Variants in RNF20 observed in about 807,000 individuals in gnomAD.
RNF20 encodes ring finger protein 20, also known as E3 ubiquitin-protein ligase BRE1A.
RNF20 carries 84 observed loss-of-function variants against 126.2 expected under a neutral mutation model. The observed-to-expected ratio is 0.67, with a 90% CI of 0.56 to 0.80. RNF20 has a LOEUF of 0.80. Among genes scored for constraint, RNF20 ranks in the 30% least tolerant of loss-of-function variants. RNF20 has a pLI of 0.00. For synonymous variants in RNF20, 400 were observed against 414.3 expected, an observed-to-expected ratio of 0.97 and a Z score of 0.42; for missense variants, 869 against 1,188.2, an observed-to-expected ratio of 0.73 and a Z score of 3.95.
chr9:101,547,264 G>T, intron 8 of RNF20, 50 bp downstream of exon 8: 1 of 1,604,254 alleles, frequency 6.2e-7, no homozygotes, highest in Non-Finnish European at 8.5e-7. Flanking sequence ...CAGCTTTCAT[G>T]CTTAGGTACT....
chr9:101,562,505 T>G lies in RNF20; in HGVS notation c.*83T>G, dbSNP rs1045552615. ...AACCTCTACCTCTTCTCTCCTTGAC[T>G]GTCACCTGTAGGACAGTTTATCAGT... On this transcript the variant is annotated 3_prime_UTR_variant, in exon 20 of 20. Coordinates refer to ENST00000389120, the MANE Select transcript of RNF20 (RefSeq NM_019592.7). The G allele has an allele frequency of 5.9e-6, 8 of 1,346,052 alleles. No homozygotes were observed. The Admixed American group carries it at 1.7e-4, about 29-fold the overall frequency. The allele number at this position is 1,346,052 out of a possible 1,614,324, so 83.4% of individuals were successfully genotyped here.
At chr9:101,554,588 A>G in intron 14 of RNF20, 106 bp from the exon 15 acceptor site, 1 of 889,458 alleles carries the variant, frequency 1.1e-6, no homozygotes, top group Non-Finnish European at 1.7e-6. Context: ...ATAATTCTGT[A>G]AAGACTCTTT....
At chr9:101,538,735 TTTTAA>T (rs1193266836) in intron 2 of RNF20, among the ~76,000 whole-genome samples, 1 of 152,182 alleles carries the variant, frequency 6.6e-6, no homozygotes, top group African/African-American at 2.4e-5. Flanking sequence ...ATTAGGAATG[TTTTAA>T]TTAAAGTGGA....
chr9:101,553,845 G>C (rs1349808821), intron 13 of RNF20, 143 bp from the exon 14 acceptor site: 2 of 503,036 alleles, frequency 4.0e-6, no homozygotes, highest in South Asian at 6.2e-5. Context: ...TTGATAGTCT[G>C]TGCAAAATTT....
chr9:101,555,051 C>T (rs1356206077), intron 15 of RNF20, among the ~76,000 whole-genome samples: 2 of 151,900 alleles, frequency 1.3e-5, no homozygotes, highest in Non-Finnish European at 2.9e-5. Context: ...AAGAAATTTA[C>T]TTTTATTTAA....
At chr9:101,540,729 A>C (rs1320241448) in intron 4 of RNF20, 64 bp from the exon 5 acceptor site, 1 of 1,589,674 alleles carries the variant, frequency 6.3e-7, no homozygotes, top group East Asian at 2.2e-5. Flanking sequence ...GGGAAAAAAA[A>C]TGGATTTTGT....
chr9:101,554,380 T>A (rs1334899759), intron 14 of RNF20, among the ~76,000 whole-genome samples: 1 of 152,150 alleles, frequency 6.6e-6, no homozygotes, highest in Non-Finnish European at 1.5e-5. Context: ...GGATAATCTT[T>A]TTCATTACTT....
chr9:101,561,944 C>A lies in RNF20; in HGVS notation c.2684C>A (p.Thr895Asn), dbSNP rs1480844846. Residue 895 changes from threonine (T) to asparagine (N), a missense_variant, in exon 19 of 20, where the codon ACC (threonine) becomes AAC (asparagine). Thr to Asn is a moderately conservative substitution (Grantham distance 65, BLOSUM62 0). Coordinates refer to ENST00000389120, the MANE Select transcript of RNF20 (RefSeq NM_019592.7). Reference sequence around the variant, plus strand: ...TCTAGACTTCGCAGGAAGCTGGAGACCACAAAGAAACCAGACAATGTACCC... The same window carrying A: ...TCTAGACTTCGCAGGAAGCTGGAGAACACAAAGAAACCAGACAATGTACCC... ...DISRLRRKLE[T>N]TKKPDNVPKC... 1 of 1,613,626 alleles carries A rather than the reference C, an allele frequency of 6.2e-7. No individual in the cohort carries two copies. The highest frequency in any genetic ancestry group is 1.7e-5 in the Admixed American group (1 of 60,006).
chr9:101,561,730 C>G (rs1353007825), intron 18 of RNF20, among the ~76,000 whole-genome samples, 180 bp from the exon 19 acceptor site: 1 of 152,118 alleles, frequency 6.6e-6, no homozygotes, highest in Non-Finnish European at 1.5e-5. Context: ...TTATGGTTGC[C>G]TCTTCTGAAA....
At chr9:101,539,499 A>T (rs1827228186) in intron 2 of RNF20, among the ~76,000 whole-genome samples, 1 of 152,224 alleles carries the variant, frequency 6.6e-6, no homozygotes, top group Non-Finnish European at 1.5e-5. Context: ...GGAGACCGAA[A>T]AGGAGAAAGA....
chr9:101,546,560 T>C (rs754538219), intron 6 of RNF20, among the ~76,000 whole-genome samples: 26 of 152,176 alleles, frequency 1.7e-4, no homozygotes, highest in Non-Finnish European at 2.8e-4. Flanking sequence ...TTTTCAGAGG[T>C]AGAAAAATTG....
At chr9:101,551,865 C>T in intron 11 of RNF20, 46 bp downstream of exon 11, 1 of 1,557,800 alleles carries the variant, frequency 6.4e-7, no homozygotes, top group Non-Finnish European at 8.7e-7. Flanking sequence ...TTAATACCTT[C>T]CTTGAAAGAT....
At chr9:101,539,161 G>A (rs1188796885) in intron 2 of RNF20, among the ~76,000 whole-genome samples, 2 of 152,214 alleles carry the variant, frequency 1.3e-5, no homozygotes, top group Non-Finnish European at 2.9e-5. Flanking sequence ...GCAGGGTTTG[G>A]TAGAGGTTGA....
chr9:101,562,086 C>T, intron 19 of RNF20, 75 bp downstream of exon 19: 1 of 1,314,542 alleles, frequency 7.6e-7, no homozygotes, highest in South Asian at 1.3e-5. Context: ...GAATAATTTG[C>T]ATGATAGTAA....
chr9:101,557,629 T>C lies in RNF20; in HGVS notation c.2382+33T>C, dbSNP rs559418282. 6.2e-5 allele frequency: 90 copies of C among 1,460,952 alleles called. 3 individuals are homozygous for C. In the South Asian group the frequency reaches 1.0e-3, roughly 16 times the overall value. The allele number at this position is 1,460,952 out of a possible 1,614,324, so 90.5% of individuals were successfully genotyped here. A position where few individuals can be genotyped will look rare whatever the true frequency, so the allele number is the denominator to read the frequency against. Reference sequence around the variant, plus strand: ...GGATGAGTAGAGCTTTCTATTCTGTTGAAATAGGGTGCTTTCTACATGATG... The same window carrying C: ...GGATGAGTAGAGCTTTCTATTCTGTCGAAATAGGGTGCTTTCTACATGATG... On this transcript the variant is annotated intron_variant, in intron 16 of 19. Coordinates refer to ENST00000389120, the MANE Select transcript of RNF20 (RefSeq NM_019592.7).
Position 101,547,417 on chromosome 9 carries a change from G to A in RNF20, c.991G>A (p.Glu331Lys), listed in dbSNP as rs1827368892. ...TCTGCAGTTTGAGGAAATGAATGCAGAGCTTGAGGAGAACAAAGAGTTGGC... is the reference window on the plus strand; with the variant it reads ...TCTGCAGTTTGAGGAAATGAATGCAAAGCTTGAGGAGAACAAAGAGTTGGC... Reference protein sequence around the residue: ...NARKFEEMNAELEENKELAQN... With the variant: ...NARKFEEMNAKLEENKELAQN... Residue 331 changes from glutamate to lysine, a missense_variant, in exon 9 of 20, where the codon GAG (glutamate) becomes AAG (lysine). By Grantham distance (56) the Glu-to-Lys change is moderately conservative. Around this residue, in one of 8 missense-constraint regions of RNF20, gnomAD observed 153 missense variants for 226.4 expected, o/e 0.68. Coordinates refer to ENST00000389120, the MANE Select transcript of RNF20 (RefSeq NM_019592.7). 6.2e-7 allele frequency: 1 copy of A among 1,614,016 alleles called. No individual in the cohort carries two copies. Among genetic ancestry groups the A allele is most frequent in the Admixed American group, 1.7e-5 (1 of 60,010 alleles).
intron 16 of RNF20, among the ~76,000 whole-genome samples, chr9:101,558,678 T>C (rs1339878594): frequency 6.6e-6 from 1 of 152,246 alleles, no homozygotes; most frequent in Non-Finnish European, 1.5e-5. Flanking sequence ...ATTTTTCTTA[T>C]GTTCGTTGGC....
intron 19 of RNF20, 91 bp from the exon 20 acceptor site, chr9:101,562,155 G>A: frequency 7.1e-7 from 1 of 1,409,758 alleles, no homozygotes; most frequent in Non-Finnish European, 9.7e-7. Context: ...TTAGTGCCTT[G>A]TGGGTTTTCT....
At chr9:101,561,018 T>C (rs1827619213) in intron 17 of RNF20, 72 bp from the exon 18 acceptor site, 2 of 1,600,324 alleles carry the variant, frequency 1.2e-6, no homozygotes, top group Admixed American at 3.4e-5. Flanking sequence ...TCCTTCAACT[T>C]GGGCTAACAT....
Sources: allele counts gnomAD v4.1 joint callset (sites outside exome capture counted in the v4.1 genomes callset), GRCh38; gene constraint gnomAD v4.1.1; regional missense constraint gnomAD v4.1.1; transcripts MANE v1.5; gene names NCBI Gene and HGNC (gene_info 2026-07-23, HGNC 2026-07-21).